The following WASF2 variants were observed in gnomAD, a reference collection of about 807,000 sequenced individuals.
WASF2 encodes the protein WASP family member 2, also known as actin-binding protein WASF2.
Under a neutral mutation model 45.0 loss-of-function variants are expected in WASF2, and 14 were observed. The ratio of observed to expected loss-of-function variants is 0.31; its 90% confidence interval spans 0.21 to 0.49. The LOEUF is 0.49. Among genes scored for constraint, WASF2 ranks in the 20% least tolerant of loss-of-function variants. The pLI is 0.99. For missense variants in WASF2, 439 were observed against 636.1 expected, an observed-to-expected ratio of 0.69 and a Z score of 3.33; for synonymous variants, 200 against 236.3, an observed-to-expected ratio of 0.85 and a Z score of 1.41.
chr1:27,444,239 T>C (rs1346287571), intron 1 of WASF2, among the ~76,000 whole-genome samples: 1 of 151,856 alleles, frequency 6.6e-6, no homozygotes, highest in Non-Finnish European at 1.5e-5. Context: ...AGCACCATGC[T>C]CAGCTAATGT....
At position 27,428,046 on chromosome 1, in the gene WASF2, G is replaced by A. The variant is rs144497827; in HGVS notation, c.130+715C>T. Among the ~76,000 whole-genome samples the A allele has an allele frequency of 1.5e-3, 234 of 152,202 alleles. 2 individuals carry two copies. The highest frequency in any genetic ancestry group is 5.5e-3 in the African/African-American group (227 of 41,532). On this transcript the variant is annotated intron_variant, in intron 2 of 8. Transcript: ENST00000618852. The stretch of plus-strand genomic sequence containing the variant: ...GCCAATTAAAAAAATATATATAGTT[G>A]AGCTGGCTTTCCTTCAGCTCCAAAA...
chr1:27,457,259 T>G (rs1352814003), intron 1 of WASF2: 1 of 152,150 alleles, frequency 6.6e-6, no homozygotes, highest in Non-Finnish European at 1.5e-5. Context: ...AGTCCTCAAA[T>G]TAACTGGCAC....
At position 27,414,758 on chromosome 1, in the gene WASF2, T is replaced by C; in HGVS notation, c.668+75A>G. ...CAGACTTCAGGGGGTGTGAAAGGTGTCACACCAGAGCTGTCAGACTGTTGT... is the reference window on the plus strand; with the variant it reads ...CAGACTTCAGGGGGTGTGAAAGGTGCCACACCAGAGCTGTCAGACTGTTGT... On this transcript the variant is annotated intron_variant, in intron 6 of 8. Transcript: ENST00000618852. The surrounding 1 kb of genome is among the most constrained non-coding windows in gnomAD (Gnocchi z 4.1). 1 of 1,563,146 alleles carries C rather than the reference T, an allele frequency of 6.4e-7. No homozygotes were observed. The highest frequency in any genetic ancestry group is 8.7e-7 in the Non-Finnish European group (1 of 1,153,134).
intron 1 of WASF2, among the ~76,000 whole-genome samples, chr1:27,450,334 A>C (rs931843355): frequency 6.6e-6 from 1 of 152,168 alleles, no homozygotes; most frequent in African/African-American, 2.4e-5. Context: ...TAATTAGCAC[A>C]TGTCCAAAGA....
chr1:27,489,256 A>G (rs1009408801), intron 1 of WASF2, among the ~76,000 whole-genome samples: 45 of 79,970 alleles, frequency 5.6e-4, no homozygotes, highest in African/African-American at 2.2e-3. Flanking sequence ...ACGCGCGCAC[A>G]CACACACACA....
At chr1:27,462,266 G>GT (rs1037279624) in intron 1 of WASF2, among the ~76,000 whole-genome samples, 8 of 152,094 alleles carry the variant, frequency 5.3e-5, no homozygotes, top group Admixed American at 3.3e-4. Context: ...GTGAGCCACC[G>GT]TGCCTGGCCC....
chr1:27,463,637 A>C (rs1364054959), intron 1 of WASF2, among the ~76,000 whole-genome samples: 1 of 150,520 alleles, frequency 6.6e-6, no homozygotes, highest in East Asian at 1.9e-4. Flanking sequence ...AAAAAAAAAA[A>C]AAAAAAAACT....
At chr1:27,440,028 C>T (rs1190419660) in intron 1 of WASF2, among the ~76,000 whole-genome samples, 1 of 151,984 alleles carries the variant, frequency 6.6e-6, no homozygotes, top group South Asian at 2.1e-4. Context: ...CAAAACAAAA[C>T]CCAAAACCTA....
Position 27,428,953 on chromosome 1 carries a change from A to C in WASF2, c.-43-20T>G. 6.2e-7 allele frequency: 1 copy of C among 1,602,950 alleles called. No homozygotes were observed. Among genetic ancestry groups the C allele is most frequent in the East Asian group, 2.2e-5 (1 of 44,540 alleles). On this transcript the variant is annotated intron_variant, in intron 1 of 8. Transcript: ENST00000618852. ...AACAACCTAAAAAAGAAATAACAGG[A>C]AAGTATTACTCAACCACAAATTCCA...
chr1:27,472,700 T>C (rs1346565351), intron 1 of WASF2, among the ~76,000 whole-genome samples: 2 of 137,106 alleles, frequency 1.5e-5, no homozygotes, highest in Admixed American at 7.5e-5. Flanking sequence ...GGGTGGCTCA[T>C]GCCTGTAACC....
chr1:27,460,979 T>C (rs367875888), intron 1 of WASF2, among the ~76,000 whole-genome samples: 6 of 151,994 alleles, frequency 3.9e-5, no homozygotes, highest in African/African-American at 1.4e-4. Context: ...ATCCCGTCTC[T>C]ATTAAATATA....
rs2016660493 is a variant in WASF2, at chr1:27,405,629, T to C, written c.*2560A>G. The C allele has an allele frequency of 1.4e-5, 1 of 70,162 alleles. No homozygotes were observed. The highest frequency in any genetic ancestry group is 5.2e-5 in the African/African-American group (1 of 19,302). 4.3% of individuals were successfully genotyped at this position (70,162 alleles called of 1,614,324 possible). A position where few individuals can be genotyped will look rare whatever the true frequency, so the allele number is the denominator to read the frequency against. On this transcript the variant is annotated 3_prime_UTR_variant, in exon 9 of 9. Transcript: ENST00000618852. ...TTTTTTTTTTTTTTTTTTTTTTTTT[T>C]TTGGTGCATATGCATAAGTGGAGCC...
intron 1 of WASF2, among the ~76,000 whole-genome samples, chr1:27,478,129 G>C (rs2148142740): frequency 6.6e-6 from 1 of 151,282 alleles, no homozygotes; most frequent in African/African-American, 2.4e-5. Context: ...AGAACTGCTT[G>C]AACCCGGGAG....
chr1:27,459,954 C>T (rs2017522591), intron 1 of WASF2, among the ~76,000 whole-genome samples: 2 of 152,178 alleles, frequency 1.3e-5, no homozygotes, highest in Non-Finnish European at 2.9e-5. Flanking sequence ...TCTAATTGGA[C>T]GCAGCTTCAG....
intron 1 of WASF2, among the ~76,000 whole-genome samples, chr1:27,449,490 T>G (rs770368597): frequency 2.8e-4 from 42 of 151,648 alleles, no homozygotes; most frequent in Non-Finnish European, 6.0e-4. Context: ...TTCCAGCTAT[T>G]TGGGAGGTTG....
chr1:27,428,995 G>A, intron 1 of WASF2, 62 bp from the exon 2 acceptor site: 1 of 861,566 alleles, frequency 1.2e-6, no homozygotes, highest in Non-Finnish European at 1.7e-6. Flanking sequence ...CTAGGGCTGT[G>A]TGAATCTTTT....
At chr1:27,441,021 C>A (rs926000632) in intron 1 of WASF2, among the ~76,000 whole-genome samples, 1 of 151,992 alleles carries the variant, frequency 6.6e-6, no homozygotes, top group Non-Finnish European at 1.5e-5. Flanking sequence ...CACATGCCAC[C>A]ACGCTCAGCT....
At chr1:27,433,057 C>A (rs1258115564) in intron 1 of WASF2, among the ~76,000 whole-genome samples, 1 of 152,156 alleles carries the variant, frequency 6.6e-6, no homozygotes, top group East Asian at 1.9e-4. Flanking sequence ...GCCACCATAC[C>A]CGGGCCCCTC....
chr1:27,455,163 A>G (rs2017450858), intron 1 of WASF2, among the ~76,000 whole-genome samples: 2 of 152,088 alleles, frequency 1.3e-5, no homozygotes. Flanking sequence ...TGAACATAAA[A>G]CCAATATATC....
Sources: allele counts gnomAD v4.1 joint callset (sites outside exome capture counted in the v4.1 genomes callset), GRCh38; gene constraint gnomAD v4.1.1; non-coding constraint Gnocchi (gnomAD v3.1); transcripts MANE v1.5; gene names NCBI Gene and HGNC (gene_info 2026-07-23, HGNC 2026-07-21).